The following SNTG1 variants were observed in gnomAD, a reference collection of about 807,000 sequenced individuals.
The protein encoded by SNTG1 is syntrophin gamma 1, also known as gamma-1-syntrophin.
In SNTG1, 39 loss-of-function variants were observed where a neutral mutation model predicts 74.7. The ratio of observed to expected loss-of-function variants is 0.52; its 90% CI spans 0.40 to 0.68. The LOEUF (loss-of-function observed/expected upper bound fraction) is 0.68, where lower values mean the gene tolerates loss of function less well. Among genes scored for constraint, SNTG1 ranks in the 30% least tolerant of loss-of-function variants. The pLI is 0.00. For missense variants in SNTG1, 685 were observed against 609.5 expected (o/e 1.12, Z -1.30); for synonymous variants, 254 against 217.1 (o/e 1.17, Z -1.49).
chr8:50,201,010 T>C (rs1392598398), intron 2 of SNTG1, among the ~76,000 whole-genome samples: 3 of 152,162 alleles, frequency 2.0e-5, no homozygotes, highest in Admixed American at 6.6e-5. Flanking sequence ...TTCATTGTCT[T>C]TTGATTTTTT....
At chr8:50,619,904 T>A (rs1163555129) in intron 13 of SNTG1, among the ~76,000 whole-genome samples, 7 of 148,516 alleles carry the variant, frequency 4.7e-5, no homozygotes, top group Non-Finnish European at 8.9e-5. Flanking sequence ...TCCAGGCATG[T>A]CTGCAGAAAA....
rs939818188 is a variant in SNTG1, at chr8:50,049,753, G to A, written c.-102-122808G>A. Among the ~76,000 whole-genome samples, 5 of 152,044 alleles carry A rather than the reference G, an allele frequency of 3.3e-5. No homozygotes were observed. The East Asian group carries it at 9.7e-4, about 29-fold the overall frequency. On this transcript the variant is annotated intron_variant, in intron 1 of 18. Transcript: ENST00000642720. ...ATTTAAAATAATAGAAACATACAAA[G>A]TATAATTTTAGACCATAGTGGGATT...
At chr8:50,329,009 A>T (rs552561897) in intron 2 of SNTG1, among the ~76,000 whole-genome samples, 3 of 152,312 alleles carry the variant, frequency 2.0e-5, no homozygotes, top group African/African-American at 7.2e-5. Flanking sequence ...GGCCAAAACA[A>T]AAGAGCTATA....
intron 13 of SNTG1, among the ~76,000 whole-genome samples, chr8:50,614,495 G>A (rs1173383154): frequency 6.6e-6 from 1 of 151,958 alleles, no homozygotes; most frequent in Non-Finnish European, 1.5e-5. Context: ...GATATCTAAT[G>A]GTAGATTTAA....
At chr8:50,136,342 T>C (rs1237548667) in intron 1 of SNTG1, among the ~76,000 whole-genome samples, 1 of 152,172 alleles carries the variant, frequency 6.6e-6, no homozygotes, top group Non-Finnish European at 1.5e-5. Context: ...CTGCTTTCCA[T>C]GGTGGATGAA....
At chr8:50,480,691 A>G (rs1013028234) in intron 8 of SNTG1, among the ~76,000 whole-genome samples, 3 of 152,222 alleles carry the variant, frequency 2.0e-5, no homozygotes, top group Admixed American at 1.3e-4. Context: ...GGTTTGGTCA[A>G]ATAGGGTTTT....
Position 50,502,773 on chromosome 8 carries a change from T to C in SNTG1, c.364-5T>C, listed in dbSNP as rs183468464. The C allele has an allele frequency of 3.9e-4, 627 of 1,608,428 alleles. 2 individuals are homozygous for C. In the African/African-American group the frequency reaches 6.7e-3, roughly 17 times the overall value. ...TGATTGTATTCTTTTTATTCTTTTT[T>C]TCAGGTTCAGGTTCTTCGGAATGCT... On this transcript the variant is annotated splice_polypyrimidine_tract_variant and splice_region_variant and intron_variant, in intron 8 of 18. Transcript: ENST00000642720.
At chr8:50,145,722 A>G (rs1380646254) in intron 1 of SNTG1, among the ~76,000 whole-genome samples, 2 of 152,210 alleles carry the variant, frequency 1.3e-5, no homozygotes, top group Non-Finnish European at 2.9e-5. Flanking sequence ...TTGTTCCAAA[A>G]TAACAAATTT....
At chr8:50,075,343 C>A (rs951002091) in intron 1 of SNTG1, among the ~76,000 whole-genome samples, 5 of 152,206 alleles carry the variant, frequency 3.3e-5, no homozygotes, top group Non-Finnish European at 5.9e-5. Context: ...ACTTGGAGAA[C>A]TTTTATGTCT....
chr8:50,036,305 C>T (rs750716470), intron 1 of SNTG1, among the ~76,000 whole-genome samples: 1 of 152,148 alleles, frequency 6.6e-6, no homozygotes, highest in African/African-American at 2.4e-5. Context: ...CCTGCATAGT[C>T]TTTCTGTTCT....
intron 2 of SNTG1, among the ~76,000 whole-genome samples, chr8:50,179,466 T>C (rs2083121330): frequency 6.6e-6 from 1 of 152,182 alleles, no homozygotes; most frequent in African/African-American, 2.4e-5. Context: ...AACATTTGCA[T>C]GGAAAAGGAA....
Position 50,514,579 on chromosome 8 carries a change from T to C in SNTG1, c.466+11699T>C, listed in dbSNP as rs192040621. 3.5e-4 allele frequency among the ~76,000 whole-genome samples: 54 copies of C among 152,344 alleles called. No individual in the cohort carries two copies. The East Asian group carries it at 9.4e-3, about 27-fold the overall frequency. ...ATTGATTTCCATTTTAATTCCATTG[T>C]ATCAGAAAAGATATTTGATATGATT... On this transcript the variant is annotated intron_variant, in intron 9 of 18. Transcript: ENST00000642720.
chr8:49,917,982 T>A (rs1348201592), intron 1 of SNTG1, among the ~76,000 whole-genome samples: 1 of 152,204 alleles, frequency 6.6e-6, no homozygotes, highest in African/African-American at 2.4e-5. Context: ...AAATTTTGCA[T>A]GTAGCGAAAC....
chr8:50,543,976 C>T (rs2623216), intron 11 of SNTG1, among the ~76,000 whole-genome samples: 33,188 of 151,828 alleles, frequency 0.22, 4,726 homozygotes, highest in African/African-American at 0.4. Flanking sequence ...GTATCTTCTT[C>T]GGTGAAGTGT....
chr8:50,369,384 G>A (rs2092210131), intron 2 of SNTG1, among the ~76,000 whole-genome samples: 1 of 152,106 alleles, frequency 6.6e-6, no homozygotes, highest in African/African-American at 2.4e-5. Flanking sequence ...ATCACATGAG[G>A]TTGAGAGTTC....
At chr8:50,057,945 A>G (rs1194041385) in intron 1 of SNTG1, among the ~76,000 whole-genome samples, 1 of 152,122 alleles carries the variant, frequency 6.6e-6, no homozygotes, top group Non-Finnish European at 1.5e-5. Flanking sequence ...TTTTTAATTT[A>G]TTGAATATTA....
intron 18 of SNTG1, among the ~76,000 whole-genome samples, chr8:50,774,047 G>A (rs1048517760): frequency 2.0e-5 from 3 of 151,942 alleles, no homozygotes; most frequent in African/African-American, 7.2e-5. Context: ...ATATCTCAAT[G>A]TCAATAGGGC....
intron 2 of SNTG1, among the ~76,000 whole-genome samples, chr8:50,256,666 G>A (rs926895155): frequency 6.6e-6 from 1 of 151,888 alleles, no homozygotes; most frequent in African/African-American, 2.4e-5. Flanking sequence ...TAAAAAGAAA[G>A]TTATTGTAAC....
At chr8:50,283,999 A>T (rs1337584272) in intron 2 of SNTG1, among the ~76,000 whole-genome samples, 1 of 152,066 alleles carries the variant, frequency 6.6e-6, no homozygotes, top group Non-Finnish European at 1.5e-5. Context: ...GTGCATACTT[A>T]TTCAGATTTC....
Sources: allele counts gnomAD v4.1 joint callset (sites outside exome capture counted in the v4.1 genomes callset), GRCh38; gene constraint gnomAD v4.1.1; transcripts MANE v1.5; gene names NCBI Gene and HGNC (gene_info 2026-07-23, HGNC 2026-07-21).